ANKHD1: variants seen among roughly 807,000 people sequenced by gnomAD.
The protein encoded by ANKHD1 is ankyrin repeat and KH domain-containing protein 1.
Under a neutral mutation model 230.5 loss-of-function variants are expected in ANKHD1, and 31 were observed. That is an observed-to-expected ratio of 0.13 (90% CI 0.10 to 0.18). ANKHD1 has a LOEUF of 0.18. Ranked by LOEUF, ANKHD1 falls within the 10% of genes least tolerant of loss-of-function variation. The probability of loss-of-function intolerance (pLI) is 1.00; values close to 1 mark genes in which losing one functional copy is unlikely to be tolerated. For synonymous variants in ANKHD1, 1,074 were observed against 1,117.6 expected, an observed-to-expected ratio of 0.96 and a Z score of 0.78; for missense variants, 2,256 against 3,071.3, an observed-to-expected ratio of 0.73 and a Z score of 6.27.
At chr5:140,494,612 A>G (rs529441642) in intron 14 of ANKHD1, among the ~76,000 whole-genome samples, 1 of 152,304 alleles carries the variant, frequency 6.6e-6, no homozygotes, top group Non-Finnish European at 1.5e-5. Flanking sequence ...CATGTTGCAT[A>G]TGTTTGAGCT....
chr5:140,514,560 A>T (rs1752909026), intron 24 of ANKHD1, among the ~76,000 whole-genome samples: 1 of 152,220 alleles, frequency 6.6e-6, no homozygotes, highest in African/African-American at 2.4e-5. Flanking sequence ...ATAATATATG[A>T]TTCAAAGGAA....
chr5:140,418,535 C>T (rs1293209508), intron 1 of ANKHD1, among the ~76,000 whole-genome samples: 5 of 152,152 alleles, frequency 3.3e-5, no homozygotes, highest in Non-Finnish European at 5.9e-5. Context: ...AAGCCGTGTA[C>T]TCCTTAGCAG....
chr5:140,417,159 C>A (rs1046555116), intron 1 of ANKHD1, among the ~76,000 whole-genome samples: 6 of 151,702 alleles, frequency 4.0e-5, no homozygotes, highest in Admixed American at 2.6e-4. Flanking sequence ...CCTGATTTAT[C>A]CTCATATTGA....
chr5:140,422,128 G>A (rs1423719156), intron 1 of ANKHD1, among the ~76,000 whole-genome samples: 1 of 151,998 alleles, frequency 6.6e-6, no homozygotes, highest in African/African-American at 2.4e-5. Flanking sequence ...TTTTAGAGTG[G>A]ATTGATTGAT....
rs1470478663 is a variant in ANKHD1 at position 140,496,978 on chromosome 5, A to G, written c.2704A>G (p.Ile902Val). 2.5e-6 allele frequency: 4 copies of G among 1,614,060 alleles called. No homozygotes were observed. The East Asian group carries it at 6.7e-5, about 27-fold the overall frequency. ...HFSELPQVDT[I>V]LFKDNDVDDE... ...TTCAGAGTTACCTCAGGTTGACACA[A>G]TCTTATTTAAAGATAATGATGTTGA... Residue 902 changes from isoleucine (I) to valine (V), a missense_variant, in exon 15 of 34, where the codon ATC becomes GTC. This residue lies in a region of ANKHD1 where 358 missense variants were observed against 397.7 expected (regional missense o/e 0.90). Transcript: ENST00000360839.
rs1002578701 is a variant in ANKHD1 at position 140,408,020 on chromosome 5, T to A, written c.306+5747T>A. On this transcript the variant is annotated intron_variant, in intron 1 of 33. Transcript: ENST00000360839. ...GGTGAAAGCCTGTCTCTACTAAAAA[T>A]ACAAAAATTAGCTGGGTATGGTGGC... 2.6e-5 allele frequency among the ~76,000 whole-genome samples: 4 copies of A among 152,120 alleles called. No individual in the cohort carries two copies. In the East Asian group the frequency reaches 7.7e-4, roughly 29 times the overall value.
At chr5:140,416,311 G>C (rs536117691) in intron 1 of ANKHD1, among the ~76,000 whole-genome samples, 13 of 152,322 alleles carry the variant, frequency 8.5e-5, no homozygotes, top group African/African-American at 3.1e-4. Context: ...CCAGTAATGG[G>C]ATGGCTGGGT....
chr5:140,427,992 C>T (rs1462844248), intron 1 of ANKHD1, among the ~76,000 whole-genome samples: 8 of 152,120 alleles, frequency 5.3e-5, no homozygotes, highest in East Asian at 1.9e-4. Flanking sequence ...CCTCACATCC[C>T]GGACAGGGCG....
At chr5:140,422,698 TACTC>T (rs1322655759) in intron 1 of ANKHD1, among the ~76,000 whole-genome samples, 1 of 150,722 alleles carries the variant, frequency 6.6e-6, no homozygotes, top group African/African-American at 2.4e-5. Flanking sequence ...TAATCCCAGA[TACTC>T]AGGAGGCTGA....
chr5:140,510,588 G>A (rs116312461), intron 22 of ANKHD1, among the ~76,000 whole-genome samples: 1 of 151,990 alleles, frequency 6.6e-6, no homozygotes. Flanking sequence ...TAGGATTACA[G>A]GCTCCCGACC....
chr5:140,472,420 C>G, intron 10 of ANKHD1: 1 of 1,415,500 alleles, frequency 7.1e-7, no homozygotes, highest in Non-Finnish European at 9.3e-7. Context: ...CAAAGGAAAT[C>G]CTCTTCAATT....
chr5:140,472,810 A>G (rs1183987094), intron 10 of ANKHD1, among the ~76,000 whole-genome samples: 1 of 152,136 alleles, frequency 6.6e-6, no homozygotes, highest in African/African-American at 2.4e-5. Flanking sequence ...GTCTCCTACT[A>G]TTCTGAAATT....
At position 140,516,499 on chromosome 5, in the gene ANKHD1, C is replaced by T. The variant is rs186597039; in HGVS notation, c.4317+3020C>T. ...CTCCAAGACACATAATTGTCAGATT[C>T]ACCAAAGTCGAAGGAAAAAATGTTA... On this transcript the variant is annotated intron_variant, in intron 24 of 33. Coordinates refer to ENST00000360839, the MANE Select transcript of ANKHD1 (RefSeq NM_017747.3). Among the ~76,000 whole-genome samples, 234 of 151,704 alleles carry T rather than the reference C, an allele frequency of 1.5e-3. 2 individuals carry two copies. The highest frequency in any genetic ancestry group is 2.9e-3 in the Non-Finnish European group (199 of 67,996).
intron 31 of ANKHD1, 88 bp from the exon 32 acceptor site, chr5:140,537,998 A>G: frequency 1.3e-6 from 2 of 1,499,650 alleles, no homozygotes; most frequent in African/African-American, 1.4e-5. Flanking sequence ...TTTCAGTAAC[A>G]TTTGGTCATG....
At chr5:140,435,962 A>G (rs1773420445) in intron 1 of ANKHD1, 142 bp from the exon 2 acceptor site, 11 of 1,131,250 alleles carry the variant, frequency 9.7e-6, no homozygotes, top group Non-Finnish European at 1.3e-5. Flanking sequence ...TTCAAAGTCC[A>G]TTCCCATACT....
intron 24 of ANKHD1, among the ~76,000 whole-genome samples, chr5:140,521,286 A>C (rs1753338460): frequency 6.6e-6 from 1 of 152,186 alleles, no homozygotes; most frequent in African/African-American, 2.4e-5. Context: ...GGAGAAAAAA[A>C]GATAACTTAT....
Position 140,485,757 on chromosome 5 carries a change from T to C in ANKHD1, c.2142+25T>C. ...GGTAAAGTAAAATGGAGCTTGTTTGTTAATATAAATATTCTTCAACATGAT... is the reference window on the plus strand; with the variant it reads ...GGTAAAGTAAAATGGAGCTTGTTTGCTAATATAAATATTCTTCAACATGAT... On this transcript the variant is annotated intron_variant, in intron 13 of 33. Transcript: ENST00000360839. The surrounding 1 kb of genome is among the most constrained non-coding windows in gnomAD (Gnocchi z 4.8). 6.2e-7 allele frequency: 1 copy of C among 1,607,990 alleles called. No homozygotes were observed. The highest frequency in any genetic ancestry group is 1.1e-5 in the South Asian group (1 of 89,194).
intron 5 of ANKHD1, 77 bp from the exon 6 acceptor site, chr5:140,445,663 CTT>C: frequency 8.0e-7 from 1 of 1,244,014 alleles, no homozygotes; most frequent in East Asian, 2.9e-5. Context: ...TTGTATATTT[CTT>C]TTTAAATCTT....
intron 14 of ANKHD1, among the ~76,000 whole-genome samples, chr5:140,488,110 TAAC>T (rs925944136): frequency 3.9e-5 from 6 of 152,238 alleles, no homozygotes; most frequent in African/African-American, 1.4e-4. Flanking sequence ...TTTTTAATCT[TAAC>T]AATTAAAAAG....
Sources: gnomAD v4.1 joint callset for allele counts (sites outside exome capture counted in the v4.1 genomes callset) on GRCh38, gnomAD v4.1.1 for gene constraint, gnomAD v4.1.1 regional missense constraint, Gnocchi (gnomAD v3.1) non-coding constraint, MANE v1.5 for transcripts, NCBI Gene and HGNC (gene_info 2026-07-23, HGNC 2026-07-21) for gene names.